Variants in LHFPL3 observed in about 807,000 individuals in gnomAD.
The protein encoded by LHFPL3 is LHFPL tetraspan subfamily member 3 protein.
A neutral mutation model predicts 19.3 loss-of-function variants in LHFPL3; 5 were observed. The ratio of observed to expected loss-of-function variants is 0.26; its 90% CI spans 0.14 to 0.54. The LOEUF (loss-of-function observed/expected upper bound fraction) is 0.54, where lower values mean the gene tolerates loss of function less well. LHFPL3 is among the 20% of genes least tolerant of loss of function. The probability of loss-of-function intolerance (pLI) is 0.94; values close to 1 mark genes in which losing one functional copy is unlikely to be tolerated. For synonymous variants in LHFPL3, 133 were observed against 126.2 expected (o/e 1.05, Z -0.36); for missense variants, 249 against 307.4 (o/e 0.81, Z 1.42).
At chr7:104,409,077 C>G (rs559900850) in intron 1 of LHFPL3, among the ~76,000 whole-genome samples, 3 of 150,030 alleles carry the variant, frequency 2.0e-5, no homozygotes, top group Non-Finnish European at 4.4e-5. Context: ...GGGGTTTCAC[C>G]GTGTTAGCCA....
intron 2 of LHFPL3, among the ~76,000 whole-genome samples, chr7:104,788,263 G>A (rs933601320): frequency 6.6e-6 from 1 of 152,236 alleles, no homozygotes; most frequent in Non-Finnish European, 1.5e-5. Context: ...CTAACTAGTA[G>A]GAAGCTCAGC....
At chr7:104,771,246 A>C (rs1215399000) in intron 2 of LHFPL3, among the ~76,000 whole-genome samples, 1 of 152,184 alleles carries the variant, frequency 6.6e-6, no homozygotes, top group Non-Finnish European at 1.5e-5. Context: ...AAATAATTGA[A>C]ATAATCTTAC....
intron 1 of LHFPL3, among the ~76,000 whole-genome samples, chr7:104,431,862 C>T (rs1792009277): frequency 6.6e-6 from 1 of 152,110 alleles, no homozygotes; most frequent in African/African-American, 2.4e-5. Context: ...TTAGATTTCC[C>T]TATCATGTCA....
intron 1 of LHFPL3, among the ~76,000 whole-genome samples, chr7:104,697,467 A>G (rs1464685602): frequency 6.6e-6 from 1 of 152,232 alleles, no homozygotes; most frequent in East Asian, 1.9e-4. Context: ...GTGTATTAAT[A>G]CCACATGATT....
chr7:104,904,635 A>G (rs1792562000), intron 2 of LHFPL3, among the ~76,000 whole-genome samples: 1 of 152,204 alleles, frequency 6.6e-6, no homozygotes, highest in African/African-American at 2.4e-5. Flanking sequence ...TGGGTGACAG[A>G]GTGAGACTCC....
intron 1 of LHFPL3, among the ~76,000 whole-genome samples, chr7:104,445,817 A>G (rs946302481): frequency 1.3e-5 from 2 of 152,182 alleles, no homozygotes; most frequent in African/African-American, 4.8e-5. Context: ...TCAACTTTTC[A>G]CATCCCACCT....
Position 104,855,519 on chromosome 7 carries a change from A to C in LHFPL3, c.683-50668A>C, listed in dbSNP as rs192599310. Reference sequence around the variant, plus strand: ...CAGAGGAGAAAATACAATCCTCCTGAAATGTCAGACTAGAGAAACAGATAT... The same window carrying C: ...CAGAGGAGAAAATACAATCCTCCTGCAATGTCAGACTAGAGAAACAGATAT... On this transcript the variant is annotated intron_variant, in intron 2 of 2. Coordinates refer to ENST00000424859, the MANE Select transcript of LHFPL3 (RefSeq NM_199000.3). Among the ~76,000 whole-genome samples, 249 of 152,338 alleles carry C rather than the reference A, an allele frequency of 1.6e-3. 2 individuals are homozygous for C. Among genetic ancestry groups the C allele is most frequent in the African/African-American group, 5.7e-3 (239 of 41,570 alleles).
chr7:104,333,613 G>A (rs748198194), intron 1 of LHFPL3, among the ~76,000 whole-genome samples: 13 of 152,044 alleles, frequency 8.6e-5, no homozygotes, highest in Non-Finnish European at 1.2e-4. Flanking sequence ...TTTTTATCCC[G>A]CTTGCTACCT....
chr7:104,427,077 G>T (rs1265344370), intron 1 of LHFPL3, among the ~76,000 whole-genome samples: 3 of 152,158 alleles, frequency 2.0e-5, no homozygotes, highest in African/African-American at 7.2e-5. Context: ...GTGATTCTAA[G>T]ACCTAACGTC....
At chr7:104,367,009 A>G (rs1435001732) in intron 1 of LHFPL3, among the ~76,000 whole-genome samples, 2 of 152,120 alleles carry the variant, frequency 1.3e-5, no homozygotes, top group Non-Finnish European at 2.9e-5. Context: ...TTCGCAGCTT[A>G]CTTATGATTG....
intron 1 of LHFPL3, among the ~76,000 whole-genome samples, chr7:104,631,380 C>T (rs73413735): frequency 0.015 from 2,344 of 152,072 alleles, 63 homozygotes; most frequent in African/African-American, 0.053. Context: ...CCAGAAATCC[C>T]GATTGGCCCT....
chr7:104,376,728 T>C (rs1229333994), intron 1 of LHFPL3, among the ~76,000 whole-genome samples: 1 of 152,174 alleles, frequency 6.6e-6, no homozygotes, highest in Non-Finnish European at 1.5e-5. Flanking sequence ...GCTCTATTAC[T>C]CTGGGCTGGG....
intron 1 of LHFPL3, among the ~76,000 whole-genome samples, chr7:104,503,503 T>C (rs547320410): frequency 1.3e-5 from 2 of 152,196 alleles, no homozygotes; most frequent in African/African-American, 4.8e-5. Context: ...ATTTCCCAAA[T>C]ATTCTTGAGT....
intron 2 of LHFPL3, among the ~76,000 whole-genome samples, chr7:104,809,997 T>C (rs1479323793): frequency 6.6e-6 from 1 of 152,178 alleles, no homozygotes; most frequent in Non-Finnish European, 1.5e-5. Flanking sequence ...GAACACTGAA[T>C]TTAGTCTAAA....
intron 1 of LHFPL3, among the ~76,000 whole-genome samples, chr7:104,711,705 C>T (rs979585808): frequency 1.3e-5 from 2 of 152,078 alleles, no homozygotes; most frequent in African/African-American, 2.4e-5. Flanking sequence ...AAATTTTGGT[C>T]CCAACAGGAA....
At position 104,427,097 on chromosome 7, in the gene LHFPL3, TCA is replaced by T. The variant is rs563248136; in HGVS notation, c.445+97876_445+97877del. ...TCTAAGACCTAACGTCTCGAGGTTT[TCA>T]CAGTGTATTTAGTACAGGAGATCGT... is the stretch of plus-strand genomic sequence containing the variant. On this transcript the variant is annotated intron_variant, in intron 1 of 2. Coordinates refer to ENST00000424859, the MANE Select transcript of LHFPL3 (RefSeq NM_199000.3). Among the ~76,000 whole-genome samples the T allele has an allele frequency of 1.9e-3, 292 of 152,350 alleles. 3 individuals are homozygous for T. The highest frequency in any genetic ancestry group is 1.0e-3 in the Non-Finnish European group (71 of 68,038).
intron 1 of LHFPL3, among the ~76,000 whole-genome samples, chr7:104,513,513 C>T (rs1360226108): frequency 1.3e-5 from 2 of 152,162 alleles, no homozygotes; most frequent in Non-Finnish European, 2.9e-5. Flanking sequence ...CCCTGGTGTT[C>T]CTGTGGTTTT....
chr7:104,428,270 A>G (rs1159547593), intron 1 of LHFPL3, among the ~76,000 whole-genome samples: 1 of 152,196 alleles, frequency 6.6e-6, no homozygotes, highest in Non-Finnish European at 1.5e-5. Context: ...GAGACAATTC[A>G]TGTATGAAAA....
intron 1 of LHFPL3, among the ~76,000 whole-genome samples, chr7:104,469,838 G>A (rs1309584638): frequency 3.3e-5 from 5 of 152,048 alleles, no homozygotes; most frequent in African/African-American, 1.2e-4. Context: ...AACTTCCAGA[G>A]CATTAATGAT....
Sources: gnomAD v4.1 joint callset for allele counts (sites outside exome capture counted in the v4.1 genomes callset) on GRCh38, gnomAD v4.1.1 for gene constraint, MANE v1.5 for transcripts, NCBI Gene and HGNC (gene_info 2026-07-23, HGNC 2026-07-21) for gene names.